The following NRXN1 variants were observed in gnomAD, a reference collection of about 807,000 sequenced individuals.
NRXN1 encodes the protein neurexin 1, also known as neurexin-1.
NRXN1 carries 39 observed loss-of-function variants against 150.9 expected under a neutral mutation model. The observed-to-expected ratio is 0.26, with a 90% CI of 0.20 to 0.34. NRXN1 has a LOEUF of 0.34. Ranked by LOEUF, NRXN1 falls within the 10% of genes least tolerant of loss-of-function variation. NRXN1 has a pLI of 1.00. For missense variants in NRXN1, 1,815 were observed against 1,949.9 expected, an observed-to-expected ratio of 0.93 and a Z score of 1.30; for synonymous variants, 924 against 757.0, an observed-to-expected ratio of 1.22 and a Z score of -3.62.
chr2:50,630,342 G>A (rs1682048574), intron 5 of NRXN1, among the ~76,000 whole-genome samples: 1 of 151,324 alleles, frequency 6.6e-6, no homozygotes, highest in African/African-American at 2.4e-5. Flanking sequence ...CTACTTTACG[G>A]GAAAAAAAAT....
intron 8 of NRXN1, among the ~76,000 whole-genome samples, chr2:50,554,181 C>T (rs766758342): frequency 1.2e-4 from 19 of 152,096 alleles, no homozygotes; most frequent in Admixed American, 2.6e-4. Flanking sequence ...TGTATACACA[C>T]ATGTATGTTT....
intron 5 of NRXN1, among the ~76,000 whole-genome samples, chr2:50,787,149 C>T (rs1314397822): frequency 6.6e-6 from 1 of 152,088 alleles, no homozygotes; most frequent in African/African-American, 2.4e-5. Flanking sequence ...TGGAGAGCTT[C>T]GTGAAGAGGA....
chr2:50,099,210 G>A (rs1700684228), intron 18 of NRXN1, among the ~76,000 whole-genome samples: 1 of 151,898 alleles, frequency 6.6e-6, no homozygotes, highest in Non-Finnish European at 1.5e-5. Flanking sequence ...TTAGGTGTTA[G>A]TTTTTATATG....
chr2:49,966,755 A>C (rs1677036249), intron 21 of NRXN1: 1 of 152,162 alleles, frequency 6.6e-6, no homozygotes, highest in Non-Finnish European at 1.5e-5. Flanking sequence ...GACATGTTGA[A>C]TTTGAGGTGA....
intron 17 of NRXN1, among the ~76,000 whole-genome samples, chr2:50,298,145 A>C (rs2073803283): frequency 6.6e-6 from 1 of 152,186 alleles, no homozygotes; most frequent in South Asian, 2.1e-4. Context: ...GTAAGTGCTA[A>C]AGCACCAAAG....
chr2:50,338,608 A>G lies in NRXN1; in HGVS notation c.3365-101638T>C, dbSNP rs138031448. Among the ~76,000 whole-genome samples the G allele has an allele frequency of 7.7e-3, 1,171 of 152,268 alleles. 22 individuals are homozygous for G. The highest frequency in any genetic ancestry group is 0.027 in the African/African-American group (1,111 of 41,546). ...AGATAGGAACTAAATCATTCATTCA[A>G]TTAACAAAGACAGAATCTTGAAAAA... is the stretch of plus-strand genomic sequence containing the variant. On this transcript the variant is annotated intron_variant, in intron 17 of 22. Coordinates refer to ENST00000401669, the MANE Select transcript of NRXN1 (RefSeq NM_001330078.2).
chr2:50,098,850 T>G (rs978929868), intron 18 of NRXN1, among the ~76,000 whole-genome samples: 16 of 15,102 alleles, frequency 1.1e-3, no homozygotes, highest in Middle Eastern at 0.038. Context: ...TTTTTTTTTT[T>G]TTTTTTTTTT....
At chr2:50,085,973 G>C (rs1263557592) in intron 19 of NRXN1, among the ~76,000 whole-genome samples, 1 of 152,150 alleles carries the variant, frequency 6.6e-6, no homozygotes, top group African/African-American at 2.4e-5. Context: ...CAGTCCCCAA[G>C]TGTAGTTTTT....
intron 17 of NRXN1, among the ~76,000 whole-genome samples, chr2:50,384,447 A>C (rs1034009702): frequency 1.0e-4 from 15 of 143,156 alleles, no homozygotes; most frequent in Non-Finnish European, 2.0e-4. Context: ...TGGAGGTTGC[A>C]GTGAGCCAGG....
chr2:50,008,823 GT>G (rs1685177873), intron 21 of NRXN1, among the ~76,000 whole-genome samples: 1 of 151,990 alleles, frequency 6.6e-6, no homozygotes, highest in Non-Finnish European at 1.5e-5. Context: ...TACTCAACAC[GT>G]TTTAAGTGGA....
At chr2:50,752,898 C>T (rs1574352325) in intron 5 of NRXN1, among the ~76,000 whole-genome samples, 1 of 152,028 alleles carries the variant, frequency 6.6e-6, no homozygotes, top group East Asian at 1.9e-4. Context: ...CTCTATGTTC[C>T]TTAAAGCTGC....
At chr2:50,894,285 A>G (rs1681570055) in intron 5 of NRXN1, among the ~76,000 whole-genome samples, 3 of 149,188 alleles carry the variant, frequency 2.0e-5, no homozygotes, top group African/African-American at 7.4e-5. Context: ...AAATAACAGG[A>G]AAAGCAAAAT....
chr2:50,878,239 C>T (rs1678901733), intron 5 of NRXN1, among the ~76,000 whole-genome samples: 2 of 151,976 alleles, frequency 1.3e-5, no homozygotes, highest in South Asian at 2.1e-4. Flanking sequence ...CCCACTTTTA[C>T]TTGCTTCACA....
At chr2:50,102,111 C>T (rs552410101) in intron 18 of NRXN1, among the ~76,000 whole-genome samples, 1 of 151,988 alleles carries the variant, frequency 6.6e-6, no homozygotes, top group African/African-American at 2.4e-5. Context: ...ATTCCTACAG[C>T]CATCAAAAAT....
At chr2:50,169,384 T>C (rs2152799024) in intron 18 of NRXN1, among the ~76,000 whole-genome samples, 1 of 152,228 alleles carries the variant, frequency 6.6e-6, no homozygotes, top group Non-Finnish European at 1.5e-5. Flanking sequence ...GGTAAGTTTA[T>C]TTCTGCACTA....
chr2:50,618,059 C>G (rs967481208), intron 8 of NRXN1, among the ~76,000 whole-genome samples: 1 of 152,058 alleles, frequency 6.6e-6, no homozygotes, highest in Non-Finnish European at 1.5e-5. Context: ...AGAGTTCCCT[C>G]GATTCCCCTT....
At chr2:50,322,439 C>A (rs957439170) in intron 17 of NRXN1, among the ~76,000 whole-genome samples, 20 of 152,108 alleles carry the variant, frequency 1.3e-4, no homozygotes, top group African/African-American at 4.6e-4. Context: ...CTAGAAGATA[C>A]CTTTTTAAAA....
rs534229284 is a variant in NRXN1, at chr2:50,203,189, A to G, written c.3546+33600T>C. 9.2e-5 allele frequency among the ~76,000 whole-genome samples: 14 copies of G among 152,304 alleles called. No homozygotes were observed. The South Asian group carries it at 2.7e-3, about 29-fold the overall frequency. On this transcript the variant is annotated intron_variant, in intron 18 of 22. Coordinates refer to ENST00000401669, the MANE Select transcript of NRXN1 (RefSeq NM_001330078.2). ...ATTCAGTTCTTGGGGTCAAAGATTG[A>G]AAACTCAGTATCTTTTTAGCCTGAA... is the stretch of plus-strand genomic sequence containing the variant.
intron 2 of NRXN1, among the ~76,000 whole-genome samples, chr2:50,971,420 T>C (rs1362097023): frequency 2.0e-5 from 3 of 151,806 alleles, no homozygotes. Context: ...CCGTCTCTAC[T>C]AAAAATACAA....
Sources: gnomAD v4.1 joint callset for allele counts (sites outside exome capture counted in the v4.1 genomes callset) on GRCh38, gnomAD v4.1.1 for gene constraint, MANE v1.5 for transcripts, NCBI Gene and HGNC (gene_info 2026-07-23, HGNC 2026-07-21) for gene names.